Variants in MAST2 observed in about 807,000 individuals in gnomAD.
The protein encoded by MAST2 is microtubule-associated serine/threonine-protein kinase 2.
Under a neutral mutation model 147.4 loss-of-function variants are expected in MAST2, and 70 were observed. The observed-to-expected ratio is 0.47, with a 90% CI of 0.39 to 0.58. The LOEUF is 0.58. Among genes scored for constraint, MAST2 ranks in the 20% least tolerant of loss-of-function variants. The pLI, the probability that MAST2 is intolerant of heterozygous loss-of-function variation, is 0.00. For missense variants in MAST2, 2,080 were observed against 2,302.3 expected (o/e 0.90, Z 1.98); for synonymous variants, 869 against 896.8 (o/e 0.97, Z 0.55).
chr1:46,032,826 A>T, intron 26 of MAST2, 108 bp downstream of exon 26: 2 of 1,433,996 alleles, frequency 1.4e-6, no homozygotes, highest in East Asian at 2.3e-5. Context: ...ATCTACACCG[A>T]GTATGGATGT....
At chr1:45,848,202 A>T (rs1407072610) in intron 3 of MAST2, among the ~76,000 whole-genome samples, 1 of 152,252 alleles carries the variant, frequency 6.6e-6, no homozygotes, top group African/African-American at 2.4e-5. Flanking sequence ...TTAATATAGC[A>T]GTCCTGAGAC....
intron 10 of MAST2, among the ~76,000 whole-genome samples, chr1:46,014,977 C>G (rs1388148189): frequency 6.6e-6 from 1 of 151,616 alleles, no homozygotes; most frequent in Non-Finnish European, 1.5e-5. Flanking sequence ...CAAACTGTCT[C>G]TCAGACCACA....
At chr1:45,847,293 C>G (rs892629925) in intron 3 of MAST2, 3 of 506,736 alleles carry the variant, frequency 5.9e-6, no homozygotes, top group African/African-American at 3.9e-5. Flanking sequence ...ACAGTGCTGC[C>G]TGTCCTGCTT....
In MAST2 at chr1:45,820,173, ATCCCTATC is replaced by A. The variant is rs542860221; in HGVS notation, c.178-4257_178-4250del. Reference sequence around the variant, plus strand: ...TCTACATGCAGAAGAGTGAAACTAGATCCCTATCTCTTCCCATATACAAAAATCAAAAA... The same window carrying A: ...TCTACATGCAGAAGAGTGAAACTAGATCTTCCCATATACAAAAATCAAAAA... On this transcript the variant is annotated intron_variant, in intron 1 of 28. Coordinates refer to ENST00000361297, the MANE Select transcript of MAST2 (RefSeq NM_015112.3). Among the ~76,000 whole-genome samples, 8 of 152,332 alleles carry A rather than the reference ATCCCTATC, an allele frequency of 5.3e-5. No individual in the cohort carries two copies. In the East Asian group the frequency reaches 1.5e-3, roughly 29 times the overall value.
At chr1:45,955,383 T>C (rs1312369543) in intron 4 of MAST2, among the ~76,000 whole-genome samples, 1 of 152,186 alleles carries the variant, frequency 6.6e-6, no homozygotes, top group African/African-American at 2.4e-5. Flanking sequence ...ATAGCTGTTA[T>C]ACTATATTTT....
chr1:45,992,477 G>A (rs1426264817), intron 5 of MAST2, among the ~76,000 whole-genome samples: 2 of 152,080 alleles, frequency 1.3e-5, no homozygotes, highest in Middle Eastern at 3.2e-3. Context: ...TTCATAAGAG[G>A]TATTGGTCTG....
intron 5 of MAST2, among the ~76,000 whole-genome samples, chr1:45,975,300 G>T (rs767979202): frequency 8.6e-5 from 13 of 152,002 alleles, no homozygotes; most frequent in Admixed American, 1.3e-4. Context: ...CATTGAATGA[G>T]GTAGAAAGCT....
intron 8 of MAST2, 90 bp from the exon 9 acceptor site, chr1:46,008,206 G>T (rs1645566566): frequency 1.3e-6 from 1 of 793,284 alleles, no homozygotes; most frequent in South Asian, 1.5e-5. Flanking sequence ...GCTGAAGATG[G>T]TGGGAGGGGC....
intron 5 of MAST2, among the ~76,000 whole-genome samples, chr1:45,975,774 C>G (rs1644126311): frequency 6.6e-6 from 1 of 151,294 alleles, no homozygotes; most frequent in Non-Finnish European, 1.5e-5. Flanking sequence ...CAGAAAGTCA[C>G]GGAGGGCTAT....
chr1:45,920,152 T>G (rs1480127788), intron 4 of MAST2, among the ~76,000 whole-genome samples: 1 of 152,224 alleles, frequency 6.6e-6, no homozygotes, highest in Non-Finnish European at 1.5e-5. Flanking sequence ...CATGAACGAT[T>G]CTGGGTCCTT....
chr1:46,025,572 C>T, intron 15 of MAST2, 105 bp from the exon 16 acceptor site: 1 of 1,349,540 alleles, frequency 7.4e-7, no homozygotes, highest in Non-Finnish European at 1.0e-6. Context: ...CCAGGATATT[C>T]CATGAAGCTG....
intron 5 of MAST2, among the ~76,000 whole-genome samples, chr1:45,964,621 G>T (rs1038320967): frequency 1.3e-5 from 2 of 151,890 alleles, no homozygotes; most frequent in Non-Finnish European, 2.9e-5. Flanking sequence ...TTCTTTATTA[G>T]TCTTGCTAGC....
intron 1 of MAST2, among the ~76,000 whole-genome samples, chr1:45,816,617 A>G (rs973040556): frequency 6.6e-6 from 1 of 152,222 alleles, no homozygotes; most frequent in African/African-American, 2.4e-5. Context: ...AATGCAGTTG[A>G]TATACTAAGG....
At position 46,023,692 on chromosome 1, in the gene MAST2, A is replaced by G; in HGVS notation, c.1572-80A>G. On this transcript the variant is annotated intron_variant, in intron 14 of 28. Transcript: ENST00000361297. This position sits in a 1 kb window ranked among gnomAD's most constrained non-coding sequence, Gnocchi z 4.9. ...TGTTCTGTGCATTAATTAAGGTGTG[A>G]GAGAAGGCAGTTTGGGTGGCAGAGA... is the stretch of plus-strand genomic sequence containing the variant. 7.6e-7 allele frequency: 1 copy of G among 1,309,618 alleles called. No homozygotes were observed. The highest frequency in any genetic ancestry group is 1.1e-6 in the Non-Finnish European group (1 of 930,630). 81.1% of individuals were successfully genotyped at this position (1,309,618 alleles called of 1,614,324 possible). A position where few individuals can be genotyped will look rare whatever the true frequency, so the allele number is the denominator to read the frequency against.
chr1:46,033,678 T>G, intron 26 of MAST2, 124 bp from the exon 27 acceptor site: 1 of 1,208,600 alleles, frequency 8.3e-7, no homozygotes, highest in South Asian at 1.5e-5. Flanking sequence ...GTGGTTCAGA[T>G]GTGTTGGTGC....
At chr1:45,845,055 C>G (rs1645388378) in intron 3 of MAST2, among the ~76,000 whole-genome samples, 1 of 152,126 alleles carries the variant, frequency 6.6e-6, no homozygotes, top group South Asian at 2.1e-4. Flanking sequence ...TCTCAAAAGG[C>G]CAAATCTCCC....
chr1:45,987,777 A>ATTTTTTTTTTTTTTTTTTTTTT lies in MAST2; in HGVS notation c.593-9944_593-9923dup. 3.4e-3 allele frequency among the ~76,000 whole-genome samples: 75 copies of ATTTTTTTTTTTTTTTTTTTTTT among 21,816 alleles called. 7 individuals carry two copies. The highest frequency in any genetic ancestry group is 7.1e-3 in the East Asian group (5 of 708). The allele number at this position is 21,816 out of a possible 152,430, so 14.3% of individuals were successfully genotyped here. A position where few individuals can be genotyped will look rare whatever the true frequency, so the allele number is the denominator to read the frequency against. On this transcript the variant is annotated intron_variant, in intron 5 of 28. Transcript: ENST00000361297. ...AGCATTTCTTGTTTTTTTTTTTTTG[A>ATTTTTTTTTTTTTTTTTTTTTT]TTTTTTTTTTTTTTTTTTTTTTTTG...
intron 3 of MAST2, among the ~76,000 whole-genome samples, chr1:45,841,130 G>A (rs938705844): frequency 6.6e-6 from 1 of 151,754 alleles, no homozygotes; most frequent in Admixed American, 6.6e-5. Context: ...TATTTGTAAT[G>A]GGGGTTGGGG....
intron 10 of MAST2, among the ~76,000 whole-genome samples, chr1:46,015,474 A>G (rs1174801205): frequency 3.3e-5 from 5 of 152,266 alleles, no homozygotes; most frequent in Non-Finnish European, 5.9e-5. Flanking sequence ...TAGGCACAAT[A>G]AAAAGTGATA....
Sources: gnomAD v4.1 joint callset for allele counts (sites outside exome capture counted in the v4.1 genomes callset) on GRCh38, gnomAD v4.1.1 for gene constraint, Gnocchi (gnomAD v3.1) non-coding constraint, MANE v1.5 for transcripts, NCBI Gene and HGNC (gene_info 2026-07-23, HGNC 2026-07-21) for gene names.